The following HOXA1 variants were observed in gnomAD, a reference collection of about 807,000 sequenced individuals.
HOXA1 encodes the protein homeobox A1, also known as homeobox protein Hox-A1.
A neutral mutation model predicts 28.3 loss-of-function variants in HOXA1; 21 were observed. The ratio of observed to expected loss-of-function variants is 0.74; its 90% CI spans 0.53 to 1.07. HOXA1 has a LOEUF of 1.07. HOXA1 is among the 50% of genes least tolerant of loss of function. The pLI is 0.00. For missense variants in HOXA1, 446 were observed against 434.3 expected, an observed-to-expected ratio of 1.03 and a Z score of -0.24; for synonymous variants, 208 against 181.2, an observed-to-expected ratio of 1.15 and a Z score of -1.19.
chr7:27,095,818 T>C lies in HOXA1; in HGVS notation c.95A>G (p.His32Arg), dbSNP rs140318803. 6 of 1,613,894 alleles carry C rather than the reference T, an allele frequency of 3.7e-6. No individual in the cohort carries two copies. The African/African-American group carries it at 6.7e-5, about 18-fold the overall frequency. ...TCSARAYPSD[H>R]RITTFQSCAV... The stretch of plus-strand genomic sequence containing the variant: ...GCACGACTGGAAAGTTGTAATCCTA[T>C]GGTCCGAGGGGTAGGCTCGGGCTGA... Residue 32 changes from histidine (H) to arginine (R), a missense_variant, in exon 1 of 2, where the codon CAT becomes CGT. His to Arg is a conservative substitution (Grantham distance 29). Transcript: ENST00000643460.
rs1451772756 is a variant in HOXA1, at chr7:27,094,794, C to T, written c.654G>A (p.Gly218=). Reference sequence around the variant, plus strand: ...CCAGGTAGCCGTACTCTCCAACTTTCCCTGGGGCAAAGTGGGAAGCCATGA... The same window carrying T: ...CCAGGTAGCCGTACTCTCCAACTTTTCCTGGGGCAAAGTGGGAAGCCATGA... ...MKVKRNPPKT[G]KVGEYGYLGQ... is the part of the protein sequence containing the mutation. The change falls in exon 2 of 2, where the codon GGG becomes GGA. Residue 218 remains glycine (G), a splice_region_variant and synonymous_variant. Coordinates refer to ENST00000643460, the MANE Select transcript of HOXA1 (RefSeq NM_005522.5). 2 of 1,612,182 alleles carry T rather than the reference C, an allele frequency of 1.2e-6. No homozygotes were observed. Among genetic ancestry groups the T allele is most frequent in the South Asian group, 2.2e-5 (2 of 91,044 alleles).
chr7:27,095,584 G>A lies in HOXA1; in HGVS notation c.329C>T (p.Pro110Leu), dbSNP rs1268485541. Residue 110 changes from proline to leucine, a missense_variant, in exon 1 of 2, where the codon CCC becomes CTC. Coordinates refer to ENST00000643460, the MANE Select transcript of HOXA1 (RefSeq NM_005522.5). ...GTCTGCTTCCTGATTTAACGCGTAG[G>A]GGCTGTAAGGCGCACTGAAGTTCTG... ...GSQNFSAPYS[P>L]YALNQEADVS... 1.2e-6 allele frequency: 2 copies of A among 1,614,140 alleles called. No individual in the cohort carries two copies. Among genetic ancestry groups the A allele is most frequent in the East Asian group, 2.2e-5 (1 of 44,870 alleles).
In HOXA1 at chr7:27,095,825, A is replaced by AG. The variant is rs1275498445; in HGVS notation, c.87dup (p.Ser30LeufsTer4). 6.2e-7 allele frequency: 1 copy of AG among 1,613,812 alleles called. No individual in the cohort carries two copies. Among genetic ancestry groups the AG allele is most frequent in the Non-Finnish European group, 8.5e-7 (1 of 1,179,988 alleles). ...TGGAAAGTTGTAATCCTATGGTCCG[A>AG]GGGGTAGGCTCGGGCTGAGCAGGTC... On this transcript the variant is annotated frameshift_variant, in exon 1 of 2. Coordinates refer to ENST00000643460, the MANE Select transcript of HOXA1 (RefSeq NM_005522.5). LOFTEE classifies it high-confidence loss of function.
chr7:27,095,483 G>T lies in HOXA1; in HGVS notation c.430C>A (p.His144Asn). ...CCCCCAGCATAACCCTGGTGGTGGT[G>T]GTGATGCTGGACCATGGGAGATGAG... is the stretch of plus-strand genomic sequence containing the variant. ...NLSSPMVQHH[H>N]HHQGYAGGAV... Residue 144 changes from histidine (H) to asparagine (N), a missense_variant, in exon 1 of 2, where the codon CAC becomes AAC. Coordinates refer to ENST00000643460, the MANE Select transcript of HOXA1 (RefSeq NM_005522.5). 2 of 1,614,178 alleles carry T rather than the reference G, an allele frequency of 1.2e-6. No homozygotes were observed. Among genetic ancestry groups the T allele is most frequent in the Non-Finnish European group, 1.7e-6 (2 of 1,180,032 alleles).
intron 1 of HOXA1, 92 bp downstream of exon 1, chr7:27,095,168 TA>T (rs888784332): frequency 2.9e-5 from 40 of 1,400,814 alleles, no homozygotes; most frequent in Middle Eastern, 2.0e-4. Context: ...AAAAGCCTTT[TA>T]AAAAAAAGAT....
Position 27,095,382 on chromosome 7 carries a change from A to G in HOXA1, c.531T>C (p.Asn177=). 1.2e-6 allele frequency: 2 copies of G among 1,613,986 alleles called. No homozygotes were observed. The highest frequency in any genetic ancestry group is 1.7e-6 in the Non-Finnish European group (2 of 1,179,928). Residue 177 remains asparagine, a synonymous_variant, in exon 1 of 2, where the codon AAT becomes AAC. Coordinates refer to ENST00000643460, the MANE Select transcript of HOXA1 (RefSeq NM_005522.5). The part of the protein sequence containing the change: ...EHQSLALATY[N]NSLSPLHASH... Reference sequence around the variant, plus strand: ...TGGCGTGGAGAGGGGACAAGGAGTTATTATACGTAGCCAGGGCCAGGCTCT... The same window carrying G: ...TGGCGTGGAGAGGGGACAAGGAGTTGTTATACGTAGCCAGGGCCAGGCTCT...
rs530378105 is a variant in HOXA1, at chr7:27,094,282, A to T, written c.*158T>A. On this transcript the variant is annotated 3_prime_UTR_variant, in exon 2 of 2. Transcript: ENST00000643460. ...CGCACCAAGTCTCTGGTCCAGAATT[A>T]TCTGCAAATATATTATCCTGGCCAG... is the stretch of plus-strand genomic sequence containing the variant. 3.1e-6 allele frequency: 2 copies of T among 639,000 alleles called. No homozygotes were observed. Among genetic ancestry groups the T allele is most frequent in the Non-Finnish European group, 2.8e-6 (1 of 359,594 alleles). 39.6% of individuals were successfully genotyped at this position (639,000 alleles called of 1,614,324 possible). A position where few individuals can be genotyped will look rare whatever the true frequency, so the allele number is the denominator to read the frequency against.
At position 27,093,058 on chromosome 7, in the gene HOXA1, G is replaced by A. The variant is rs945616152; in HGVS notation, c.*1382C>T. 6.6e-6 allele frequency: 1 copy of A among 152,612 alleles called. No individual in the cohort carries two copies. The highest frequency in any genetic ancestry group is 1.5e-5 in the Non-Finnish European group (1 of 68,024). The allele number at this position is 152,612 out of a possible 1,614,324, so 9.5% of individuals were successfully genotyped here. ...CATCCAGTTGGAGGTGAAAAGGTTA[G>A]CACTTGACCCAGGAAGTATCCATGT... On this transcript the variant is annotated 3_prime_UTR_variant, in exon 2 of 2. Transcript: ENST00000643460.
At chr7:27,095,089 A>G (rs563794677) in intron 1 of HOXA1, 172 bp downstream of exon 1, 30 of 737,824 alleles carry the variant, frequency 4.1e-5, no homozygotes, top group African/African-American at 2.1e-4. Flanking sequence ...AAACACACCA[A>G]TCCCTGAGAC....
In HOXA1 at chr7:27,095,511, A is replaced by G. The variant is rs762291044; in HGVS notation, c.402T>C (p.Asn134=). 24 of 1,613,722 alleles carry G rather than the reference A, an allele frequency of 1.5e-5. No homozygotes were observed. Among genetic ancestry groups the G allele is most frequent in the East Asian group, 2.2e-5 (1 of 44,880 alleles). The change falls in exon 1 of 2, where the codon AAT becomes AAC. Residue 134 remains asparagine (N), a synonymous_variant. Transcript: ENST00000643460. ...PQCAPAVYSG[N]LSSPMVQHHH... is the part of the protein sequence containing the mutation. ...GATGCTGGACCATGGGAGATGAGAG[A>G]TTTCCAGAGTAAACAGCGGGAGCGC...
In HOXA1 at chr7:27,094,476, C is replaced by A. The variant is rs764172712; in HGVS notation, c.972G>T (p.Gly324=). 1 of 1,613,972 alleles carries A rather than the reference C, an allele frequency of 6.2e-7. No individual in the cohort carries two copies. The highest frequency in any genetic ancestry group is 8.5e-7 in the Non-Finnish European group (1 of 1,179,852). Residue 324 remains glycine (G), a synonymous_variant, in exon 2 of 2, where the codon GGG becomes GGT. Transcript: ENST00000643460. ...TAGTCAGAGTGTCTGAGGTAGAAGA[C>A]CCCGGGGAAGGAACGCAGGGCGAAG... ...SSSSPCVPSP[G]SSTSDTLTTS... is the part of the protein sequence containing the mutation.
intron 1 of HOXA1, 56 bp from the exon 2 acceptor site, chr7:27,094,851 G>C (rs1783784072): frequency 1.5e-6 from 2 of 1,304,358 alleles, no homozygotes; most frequent in Non-Finnish European, 2.2e-6. Flanking sequence ...AAATCGACTT[G>C]AGATTCCCCA....
Position 27,095,282 on chromosome 7 carries a change from T to C in HOXA1, c.631A>G (p.Lys211Glu). Residue 211 changes from lysine (K) to glutamate (E), a missense_variant, in exon 1 of 2, where the codon AAA (lysine) becomes GAA (glutamate). By Grantham distance (56) the Lys-to-Glu change is moderately conservative (BLOSUM62 1). Coordinates refer to ENST00000643460, the MANE Select transcript of HOXA1 (RefSeq NM_005522.5). ...PAQTFDWMKV[K>E]RNPPKTGKVG... ...TGACCTGTTTTGGGAGGGTTTCTTT[T>C]GACTTTCATCCAGTCAAAAGTCTGC... 1 of 1,614,170 alleles carries C rather than the reference T, an allele frequency of 6.2e-7. No individual in the cohort carries two copies. Among genetic ancestry groups the C allele is most frequent in the Non-Finnish European group, 8.5e-7 (1 of 1,180,038 alleles).
At position 27,094,485 on chromosome 7, in the gene HOXA1, A is replaced by G. The variant is rs1313554850; in HGVS notation, c.963T>C (p.Pro321=). ...SEKSSSSPCV[P]SPGSSTSDTL... is the part of the protein sequence containing the mutation. ...TGTCTGAGGTAGAAGACCCCGGGGAAGGAACGCAGGGCGAAGAGCTGGACT... is the reference window on the plus strand; with the variant it reads ...TGTCTGAGGTAGAAGACCCCGGGGAGGGAACGCAGGGCGAAGAGCTGGACT... Residue 321 remains proline (P), a synonymous_variant, in exon 2 of 2, where the codon CCT becomes CCC. Coordinates refer to ENST00000643460, the MANE Select transcript of HOXA1 (RefSeq NM_005522.5). 1 of 1,614,230 alleles carries G rather than the reference A, an allele frequency of 6.2e-7. No individual in the cohort carries two copies. Among genetic ancestry groups the G allele is most frequent in the South Asian group, 1.1e-5 (1 of 91,090 alleles).
chr7:27,094,730 G>C lies in HOXA1; in HGVS notation c.718C>G (p.Gln240Glu), dbSNP rs1783780303. 4 of 1,614,188 alleles carry C rather than the reference G, an allele frequency of 2.5e-6. No individual in the cohort carries two copies. Among genetic ancestry groups the C allele is most frequent in the Non-Finnish European group, 3.4e-6 (4 of 1,180,028 alleles). The change falls in exon 2 of 2, where the codon CAG (glutamine) becomes GAG (glutamate). Residue 240 changes from glutamine (Q) to glutamate (E), a missense_variant. By Grantham distance (29) the Gln-to-Glu change is conservative. Transcript: ENST00000643460. ...NAVRTNFTTKQLTELEKEFHF... is the reference protein window; with the variant it reads ...NAVRTNFTTKELTELEKEFHF... ...AACTCCTTCTCCAGTTCCGTGAGCTGCTTGGTAGTGAAGTTGGTGCGCACC... is the reference window on the plus strand; with the variant it reads ...AACTCCTTCTCCAGTTCCGTGAGCTCCTTGGTAGTGAAGTTGGTGCGCACC...
At chr7:27,095,155 T>C (rs2128032912) in intron 1 of HOXA1, 106 bp downstream of exon 1, 1 of 1,275,058 alleles carries the variant, frequency 7.8e-7, no homozygotes, top group Non-Finnish European at 1.1e-6. Flanking sequence ...ACTAGTCTGA[T>C]ACAAAAGCCT....
Position 27,094,781 on chromosome 7 carries a change from A to T in HOXA1, c.667T>A (p.Tyr223Asn). ...GCGTTGGGTTGACCCAGGTAGCCGT[A>T]CTCTCCAACTTTCCCTGGGGCAAAG... The part of the protein sequence containing the change: ...NPPKTGKVGE[Y>N]GYLGQPNAVR... The change falls in exon 2 of 2, where the codon TAC becomes AAC. Residue 223 changes from tyrosine (Y) to asparagine (N), a missense_variant. By Grantham distance (143) the Tyr-to-Asn change is moderately radical. Coordinates refer to ENST00000643460, the MANE Select transcript of HOXA1 (RefSeq NM_005522.5). 6.2e-7 allele frequency: 1 copy of T among 1,613,750 alleles called. No individual in the cohort carries two copies. Among genetic ancestry groups the T allele is most frequent in the Non-Finnish European group, 8.5e-7 (1 of 1,179,926 alleles).
intron 1 of HOXA1, 151 bp downstream of exon 1, chr7:27,095,110 C>A: frequency 1.2e-6 from 1 of 858,036 alleles, no homozygotes; most frequent in Non-Finnish European, 1.9e-6. Context: ...TTCTTTGCCC[C>A]AACACCTCTG....
In HOXA1 at chr7:27,094,263, A is replaced by G; in HGVS notation, c.*177T>C. 1 of 611,646 alleles carries G rather than the reference A, an allele frequency of 1.6e-6. No homozygotes were observed. The highest frequency in any genetic ancestry group is 2.8e-5 in the Admixed American group (1 of 35,746). The allele number at this position is 611,646 out of a possible 1,614,324, so 37.9% of individuals were successfully genotyped here. ...TGGATGAAGGTGTTAACCCCGCACCAAGTCTCTGGTCCAGAATTATCTGCA... is the reference window on the plus strand; with the variant it reads ...TGGATGAAGGTGTTAACCCCGCACCGAGTCTCTGGTCCAGAATTATCTGCA... On this transcript the variant is annotated 3_prime_UTR_variant, in exon 2 of 2. Transcript: ENST00000643460.
Sources: allele counts gnomAD v4.1 joint callset, GRCh38; gene constraint gnomAD v4.1.1; transcripts MANE v1.5; gene names NCBI Gene and HGNC (gene_info 2026-07-23, HGNC 2026-07-21).